C19orf85: variants seen among roughly 807,000 people sequenced by gnomAD.
The protein encoded by C19orf85 is chromosome 19 open reading frame 85, also known as uncharacterized protein C19orf85.
Position 55,464,420 on chromosome 19 carries a change from C to A in C19orf85, c.135G>T (p.Arg45=), listed in dbSNP as rs1986322795. ...QPRRTRPPKR[R]PNHRRFLHNQ... is the part of the protein sequence containing the mutation. Reference sequence around the variant, plus strand: ...TGTGCAGAAACCTTCTGTGGTTGGGCCGCCTCTTGGGGGGCCGGGTGCGCC... The same window carrying A: ...TGTGCAGAAACCTTCTGTGGTTGGGACGCCTCTTGGGGGGCCGGGTGCGCC... The change falls in exon 1 of 2, where the codon CGG becomes CGT. Residue 45 remains arginine, a synonymous_variant. Coordinates refer to ENST00000635964, the MANE Select transcript of C19orf85 (RefSeq NM_001386794.1). 2.5e-6 allele frequency: 1 copy of A among 398,432 alleles called. No homozygotes were observed. The highest frequency in any genetic ancestry group is 4.4e-5 in the Admixed American group (1 of 22,734). 24.7% of individuals were successfully genotyped at this position (398,432 alleles called of 1,614,324 possible).
Position 55,463,209 on chromosome 19 carries a change from T to G in C19orf85, c.*263A>C. The G allele has an allele frequency of 2.6e-6, 1 of 378,566 alleles. No homozygotes were observed. The highest frequency in any genetic ancestry group is 4.7e-6 in the Non-Finnish European group (1 of 213,788). The allele number at this position is 378,566 out of a possible 1,614,324, so 23.5% of individuals were successfully genotyped here. ...GACATTAGGCAGAGGTGAGCCTGGG[T>G]GAGAGTGAGGGGTGGATGCCCAGAT... On this transcript the variant is annotated 3_prime_UTR_variant, in exon 2 of 2. Coordinates refer to ENST00000635964, the MANE Select transcript of C19orf85 (RefSeq NM_001386794.1). The surrounding 1 kb of genome is among the most constrained non-coding windows in gnomAD (Gnocchi z 4.9).
Position 55,463,927 on chromosome 19 carries a change from G to C in C19orf85, c.214C>G (p.Leu72Val), listed in dbSNP as rs1034356011. The C allele has an allele frequency of 2.5e-6, 1 of 398,784 alleles. No homozygotes were observed. 24.7% of individuals were successfully genotyped at this position (398,784 alleles called of 1,614,324 possible). A position where few individuals can be genotyped will look rare whatever the true frequency, so the allele number is the denominator to read the frequency against. Residue 72 changes from leucine (L) to valine (V), a missense_variant, in exon 2 of 2, where the codon CTC becomes GTC. Transcript: ENST00000635964. This position sits in a 1 kb window ranked among gnomAD's most constrained non-coding sequence, Gnocchi z 4.9. ...KIEAATQRLA[L>V]SILSQEAPPQ... ...GGTGCCTCCTGGGACAGGATGGAGA[G>C]GGCCAGGCGCTGGGTGGCAGCCTCA...
In C19orf85 at chr19:55,464,513, G is replaced by C; in HGVS notation, c.42C>G (p.Pro14=). 5.0e-6 allele frequency: 2 copies of C among 398,368 alleles called. No homozygotes were observed. The highest frequency in any genetic ancestry group is 8.9e-6 in the Non-Finnish European group (2 of 225,848). The allele number at this position is 398,368 out of a possible 1,614,324, so 24.7% of individuals were successfully genotyped here. The change falls in exon 1 of 2, where the codon CCC becomes CCG. Residue 14 remains proline (P), a synonymous_variant. Transcript: ENST00000635964. ...CAAAGGCACACAGCTCCCGGGGGCC[G>C]GGCTCGGAGACCCCAGGGCCTTCGG... The part of the protein sequence containing the change: ...GVPEGPGVSE[P]GPRELCAFVS...
Position 55,463,469 on chromosome 19 carries a change from G to C in C19orf85, c.*3C>G. 1 of 398,584 alleles carries C rather than the reference G, an allele frequency of 2.5e-6. No homozygotes were observed. Among genetic ancestry groups the C allele is most frequent in the Non-Finnish European group, 4.4e-6 (1 of 226,174 alleles). 24.7% of individuals were successfully genotyped at this position (398,584 alleles called of 1,614,324 possible). On this transcript the variant is annotated 3_prime_UTR_variant, in exon 2 of 2. Coordinates refer to ENST00000635964, the MANE Select transcript of C19orf85 (RefSeq NM_001386794.1). This position sits in a 1 kb window ranked among gnomAD's most constrained non-coding sequence, Gnocchi z 4.9. ...TGGGTTCTGGGCTGGGTTGTGATTG[G>C]CCTCATGGGGAGCTGGTCCCCCAAC...
rs1028727317 is a variant in C19orf85 at position 55,464,506 on chromosome 19, G to A, written c.49C>T (p.Arg17Trp). 1.0e-4 allele frequency: 40 copies of A among 398,252 alleles called. No individual in the cohort carries two copies. Among genetic ancestry groups the A allele is most frequent in the Admixed American group, 1.3e-4 (3 of 22,712 alleles). 24.7% of individuals were successfully genotyped at this position (398,252 alleles called of 1,614,324 possible). ...EGPGVSEPGP[R>W]ELCAFVSGAA... ...CCGCTCACAAAGGCACACAGCTCCC[G>A]GGGGCCGGGCTCGGAGACCCCAGGG... The change falls in exon 1 of 2, where the codon CGG becomes TGG. Residue 17 changes from arginine (R) to tryptophan (W), a missense_variant. Arg to Trp is a moderately radical substitution (Grantham distance 101, BLOSUM62 -3). Transcript: ENST00000635964.
Position 55,463,479 on chromosome 19 carries a change from G to A in C19orf85, c.662C>T (p.Ser221Phe), listed in dbSNP as rs1000303057. ...QGIPEGWGTS[S>F]P is the part of the protein sequence containing the mutation. ...GCTGGGTTGTGATTGGCCTCATGGG[G>A]AGCTGGTCCCCCAACCCTCGGGGAT... The change falls in exon 2 of 2, where the codon TCC (serine) becomes TTC (phenylalanine). Residue 221 changes from serine to phenylalanine, a missense_variant. Transcript: ENST00000635964. This position sits in a 1 kb window ranked among gnomAD's most constrained non-coding sequence, Gnocchi z 4.9. The A allele has an allele frequency of 1.7e-4, 69 of 398,586 alleles. No individual in the cohort carries two copies. Among genetic ancestry groups the A allele is most frequent in the African/African-American group, 1.4e-3 (66 of 48,632 alleles). 24.7% of individuals were successfully genotyped at this position (398,586 alleles called of 1,614,324 possible). A position where few individuals can be genotyped will look rare whatever the true frequency, so the allele number is the denominator to read the frequency against.
rs561644224 is a variant in C19orf85 at position 55,464,681 on chromosome 19, G to A, written c.-127C>T. The stretch of plus-strand genomic sequence containing the variant: ...CCGGGCTGGGGAGGAGGCAGGGCTG[G>A]GAATTGGGCCAAGGCCTCCCCACTG... On this transcript the variant is annotated 5_prime_UTR_variant, in exon 1 of 2. Transcript: ENST00000635964. The A allele has an allele frequency of 1.3e-5, 5 of 396,980 alleles. No homozygotes were observed. The South Asian group carries it at 7.1e-4, about 56-fold the overall frequency. The allele number at this position is 396,980 out of a possible 1,614,324, so 24.6% of individuals were successfully genotyped here.
chr19:55,464,076 G>A, intron 1 of C19orf85, 109 bp from the exon 2 acceptor site: 1 of 398,140 alleles, frequency 2.5e-6, no homozygotes, highest in South Asian at 1.4e-4. Context: ...ACCACCCCCG[G>A]CCAGCATATT....
chr19:55,464,447 G>C lies in C19orf85; in HGVS notation c.108C>G (p.Pro36=), dbSNP rs1986324138. 1 of 398,188 alleles carries C rather than the reference G, an allele frequency of 2.5e-6. No homozygotes were observed. The highest frequency in any genetic ancestry group is 4.4e-6 in the Non-Finnish European group (1 of 225,858). 24.7% of individuals were successfully genotyped at this position (398,188 alleles called of 1,614,324 possible). A position where few individuals can be genotyped will look rare whatever the true frequency, so the allele number is the denominator to read the frequency against. Residue 36 remains proline (P), a synonymous_variant, in exon 1 of 2, where the codon CCC becomes CCG. Coordinates refer to ENST00000635964, the MANE Select transcript of C19orf85 (RefSeq NM_001386794.1). ...AAAHMLRALQ[P]RRTRPPKRRP... Reference sequence around the variant, plus strand: ...GCCTCTTGGGGGGCCGGGTGCGCCGGGGCTGCAGGGCCCGCAGCATGTGGG... The same window carrying C: ...GCCTCTTGGGGGGCCGGGTGCGCCGCGGCTGCAGGGCCCGCAGCATGTGGG...
intron 1 of C19orf85, 81 bp from the exon 2 acceptor site, chr19:55,464,048 G>A (rs1436458271): frequency 5.0e-6 from 2 of 398,462 alleles, no homozygotes; most frequent in African/African-American, 4.1e-5. Flanking sequence ...CAAGGTGCTG[G>A]GATTGCAGGC....
rs1256567621 is a variant in C19orf85, at chr19:55,463,830, A to G, written c.311T>C (p.Val104Ala). ...GGCATGGGGAGCCTCAGTGGGGGCC[A>G]CAGCACAGGCCACTCCCAGGAAGGG... ...PSPFLGVACA[V>A]APTEAPHASA... is the part of the protein sequence containing the mutation. The change falls in exon 2 of 2, where the codon GTG (valine) becomes GCG (alanine). Residue 104 changes from valine (V) to alanine (A), a missense_variant. Physicochemically the swap from Val to Ala is moderately conservative, Grantham distance 64 (BLOSUM62 0). Transcript: ENST00000635964. This position sits in a 1 kb window ranked among gnomAD's most constrained non-coding sequence, Gnocchi z 4.9. 2.5e-6 allele frequency: 1 copy of G among 399,110 alleles called. No homozygotes were observed. Among genetic ancestry groups the G allele is most frequent in the Non-Finnish European group, 4.4e-6 (1 of 226,432 alleles). 24.7% of individuals were successfully genotyped at this position (399,110 alleles called of 1,614,324 possible). A position where few individuals can be genotyped will look rare whatever the true frequency, so the allele number is the denominator to read the frequency against.
At position 55,463,147 on chromosome 19, in the gene C19orf85, G is replaced by A. The variant is rs866116992; in HGVS notation, c.*325C>T. 2.0e-4 allele frequency: 56 copies of A among 274,354 alleles called. No individual in the cohort carries two copies. The highest frequency in any genetic ancestry group is 1.1e-3 in the African/African-American group (49 of 45,940). The allele number at this position is 274,354 out of a possible 1,614,324, so 17.0% of individuals were successfully genotyped here. Reference sequence around the variant, plus strand: ...GACCTGGGCCTGGCCCATAGTAGGCGCTCGATACATCTTTGGGAATAAATG... The same window carrying A: ...GACCTGGGCCTGGCCCATAGTAGGCACTCGATACATCTTTGGGAATAAATG... On this transcript the variant is annotated 3_prime_UTR_variant, in exon 2 of 2. Coordinates refer to ENST00000635964, the MANE Select transcript of C19orf85 (RefSeq NM_001386794.1). This position sits in a 1 kb window ranked among gnomAD's most constrained non-coding sequence, Gnocchi z 4.9.
At position 55,463,041 on chromosome 19, in the gene C19orf85, C is replaced by T. The variant is rs1986294019; in HGVS notation, c.*431G>A. On this transcript the variant is annotated 3_prime_UTR_variant, in exon 2 of 2. Transcript: ENST00000635964. This position sits in a 1 kb window ranked among gnomAD's most constrained non-coding sequence, Gnocchi z 4.9. Reference sequence around the variant, plus strand: ...TTTTATTGTCTGTTCCCCGCCAAAACACACACATGCACACAGAACAGGGAG... The same window carrying T: ...TTTTATTGTCTGTTCCCCGCCAAAATACACACATGCACACAGAACAGGGAG... 1 of 176,906 alleles carries T rather than the reference C, an allele frequency of 5.7e-6. No homozygotes were observed. Among genetic ancestry groups the T allele is most frequent in the Admixed American group, 6.3e-5 (1 of 15,920 alleles). 11.0% of individuals were successfully genotyped at this position (176,906 alleles called of 1,614,324 possible). A position where few individuals can be genotyped will look rare whatever the true frequency, so the allele number is the denominator to read the frequency against.
At position 55,463,151 on chromosome 19, in the gene C19orf85, G is replaced by C. The variant is rs1599888332; in HGVS notation, c.*321C>G. The C allele has an allele frequency of 1.4e-5, 4 of 287,862 alleles. No individual in the cohort carries two copies. The East Asian group carries it at 2.3e-4, about 16-fold the overall frequency. 17.8% of individuals were successfully genotyped at this position (287,862 alleles called of 1,614,324 possible). ...TGGGCCTGGCCCATAGTAGGCGCTC[G>C]ATACATCTTTGGGAATAAATGACAG... On this transcript the variant is annotated 3_prime_UTR_variant, in exon 2 of 2. Transcript: ENST00000635964. The surrounding 1 kb of genome is among the most constrained non-coding windows in gnomAD (Gnocchi z 4.9).
rs1986325982 is a variant in C19orf85 at position 55,464,502 on chromosome 19, TC to T, written c.52del (p.Glu18SerfsTer6). 2.5e-6 allele frequency: 1 copy of T among 398,198 alleles called. No individual in the cohort carries two copies. The highest frequency in any genetic ancestry group is 4.4e-5 in the Admixed American group (1 of 22,710). 24.7% of individuals were successfully genotyped at this position (398,198 alleles called of 1,614,324 possible). A position where few individuals can be genotyped will look rare whatever the true frequency, so the allele number is the denominator to read the frequency against. On this transcript the variant is annotated frameshift_variant, in exon 1 of 2. Transcript: ENST00000635964. LOFTEE classifies it high-confidence loss of function. ...GPGVSEPGPRELCAFVSGAAA... is the reference protein window; with the variant it reads ...GPGVSEPGPRXLCAFVSGAAA... ...CGCCCCGCTCACAAAGGCACACAGC[TC>T]CCGGGGGCCGGGCTCGGAGACCCCA...
rs1986310546 is a variant in C19orf85 at position 55,463,827 on chromosome 19, GC to G, written c.313del (p.Ala105ProfsTer12). ...GCTGGCATGGGGAGCCTCAGTGGGG[GC>G]CACAGCACAGGCCACTCCCAGGAAG... ...SPFLGVACAV[A>X]PTEAPHASAS... On this transcript the variant is annotated frameshift_variant, in exon 2 of 2. Coordinates refer to ENST00000635964, the MANE Select transcript of C19orf85 (RefSeq NM_001386794.1). LOFTEE classifies it low-confidence loss of function (END_TRUNC). The surrounding 1 kb of genome is among the most constrained non-coding windows in gnomAD (Gnocchi z 4.9). 7.5e-6 allele frequency: 3 copies of G among 399,066 alleles called. No homozygotes were observed. Among genetic ancestry groups the G allele is most frequent in the African/African-American group, 4.1e-5 (2 of 48,772 alleles). The allele number at this position is 399,066 out of a possible 1,614,324, so 24.7% of individuals were successfully genotyped here. A position where few individuals can be genotyped will look rare whatever the true frequency, so the allele number is the denominator to read the frequency against.
In C19orf85 at chr19:55,463,763, G is replaced by A. The variant is rs1986308608; in HGVS notation, c.378C>T (p.Leu126=). Reference sequence around the variant, plus strand: ...TGAGCGCAATGTTGTCAAAGAGGTCGAGGGTAGAGGTGTCCAGGGCAGCGA... The same window carrying A: ...TGAGCGCAATGTTGTCAAAGAGGTCAAGGGTAGAGGTGTCCAGGGCAGCGA... The part of the protein sequence containing the change: ...LSLAALDTST[L]DLFDNIALTP... Residue 126 remains leucine, a synonymous_variant, in exon 2 of 2, where the codon CTC becomes CTT. Coordinates refer to ENST00000635964, the MANE Select transcript of C19orf85 (RefSeq NM_001386794.1). This position sits in a 1 kb window ranked among gnomAD's most constrained non-coding sequence, Gnocchi z 4.9. 5.0e-6 allele frequency: 2 copies of A among 398,796 alleles called. No homozygotes were observed. Among genetic ancestry groups the A allele is most frequent in the African/African-American group, 2.1e-5 (1 of 48,742 alleles). 24.7% of individuals were successfully genotyped at this position (398,796 alleles called of 1,614,324 possible). A position where few individuals can be genotyped will look rare whatever the true frequency, so the allele number is the denominator to read the frequency against.
Position 55,463,821 on chromosome 19 carries a change from G to T in C19orf85, c.320C>A (p.Thr107Asn). Residue 107 changes from threonine to asparagine, a missense_variant, in exon 2 of 2, where the codon ACT becomes AAT. Physicochemically the swap from Thr to Asn is moderately conservative, Grantham distance 65. Transcript: ENST00000635964. This position sits in a 1 kb window ranked among gnomAD's most constrained non-coding sequence, Gnocchi z 4.9. ...FLGVACAVAPTEAPHASASLS... is the reference protein window; with the variant it reads ...FLGVACAVAPNEAPHASASLS... ...GCTGGCGCTGGCATGGGGAGCCTCA[G>T]TGGGGGCCACAGCACAGGCCACTCC... 2.5e-6 allele frequency: 1 copy of T among 399,096 alleles called. No individual in the cohort carries two copies. The highest frequency in any genetic ancestry group is 4.4e-6 in the Non-Finnish European group (1 of 226,418). The allele number at this position is 399,096 out of a possible 1,614,324, so 24.7% of individuals were successfully genotyped here. A position where few individuals can be genotyped will look rare whatever the true frequency, so the allele number is the denominator to read the frequency against.
In C19orf85 at chr19:55,464,412, T is replaced by C. The variant is rs1599888924; in HGVS notation, c.143A>G (p.His48Arg). 2.5e-6 allele frequency: 1 copy of C among 398,210 alleles called. No individual in the cohort carries two copies. 24.7% of individuals were successfully genotyped at this position (398,210 alleles called of 1,614,324 possible). ...GATCTGGTTGTGCAGAAACCTTCTG[T>C]GGTTGGGCCGCCTCTTGGGGGGCCG... The part of the protein sequence containing the change: ...RTRPPKRRPN[H>R]RRFLHNQICR... Residue 48 changes from histidine to arginine, a missense_variant, in exon 1 of 2, where the codon CAC (histidine) becomes CGC (arginine). Physicochemically the swap from His to Arg is conservative, Grantham distance 29. Transcript: ENST00000635964.
Sources: gnomAD v4.1 joint callset for allele counts on GRCh38, gnomAD v4.1.1 for gene constraint, Gnocchi (gnomAD v3.1) non-coding constraint, MANE v1.5 for transcripts, NCBI Gene and HGNC (gene_info 2026-07-23, HGNC 2026-07-21) for gene names.